Variants in ARL13B observed in about 807,000 individuals in gnomAD.
ARL13B encodes the protein ARF like GTPase 13B, also known as ADP-ribosylation factor-like protein 13B.
A neutral mutation model predicts 56.1 loss-of-function variants in ARL13B; 36 were observed. The observed-to-expected ratio is 0.64, with a 90% CI of 0.49 to 0.85. The LOEUF (loss-of-function observed/expected upper bound fraction) is 0.85. Among genes scored for constraint, ARL13B ranks in the 40% least tolerant of loss-of-function variants. The pLI, the probability that ARL13B is intolerant of heterozygous loss-of-function variation, is 0.00. For synonymous variants in ARL13B, 178 were observed against 171.1 expected (o/e 1.04, Z -0.32); for missense variants, 519 against 507.1 (o/e 1.02, Z -0.23).
intron 1 of ARL13B, among the ~76,000 whole-genome samples, chr3:93,983,931 A>C (rs1710332852): frequency 1.3e-5 from 2 of 152,232 alleles, no homozygotes. Context: ...ACTTCCAAAA[A>C]ACTTAATTAC....
chr3:94,041,253 A>T (rs1039491090), intron 6 of ARL13B, among the ~76,000 whole-genome samples: 9 of 152,190 alleles, frequency 5.9e-5, no homozygotes, highest in African/African-American at 2.2e-4. Flanking sequence ...CAATGGAACG[A>T]ATATTAATAA....
At chr3:94,040,546 G>T (rs1478965554) in intron 6 of ARL13B, among the ~76,000 whole-genome samples, 1 of 152,092 alleles carries the variant, frequency 6.6e-6, no homozygotes, top group Non-Finnish European at 1.5e-5. Context: ...TTGTGTGTGT[G>T]CGCGTCTGTG....
chr3:94,013,056 C>G (rs1262015871), intron 3 of ARL13B, among the ~76,000 whole-genome samples: 1 of 152,160 alleles, frequency 6.6e-6, no homozygotes, highest in Non-Finnish European at 1.5e-5. Flanking sequence ...TCTCACTGCT[C>G]TTTTCTGACT....
chr3:94,014,786 A>G lies in ARL13B; in HGVS notation c.380+10878A>G, dbSNP rs1171772397. ...AGCTGACGTAAAATAAATGTCTTGC[A>G]CTTCTCTTGCTTTGCTGCTATTGTG... On this transcript the variant is annotated intron_variant, in intron 3 of 9. Coordinates refer to ENST00000394222, the MANE Select transcript of ARL13B (RefSeq NM_001174150.2). 6.2e-6 allele frequency: 10 copies of G among 1,613,862 alleles called. No homozygotes were observed. In the African/African-American group the frequency reaches 1.1e-4, roughly 17 times the overall value.
chr3:94,034,301 G>C (rs1046073593), intron 3 of ARL13B, among the ~76,000 whole-genome samples: 1 of 151,860 alleles, frequency 6.6e-6, no homozygotes, highest in African/African-American at 2.4e-5. Context: ...AGGTGGGAAG[G>C]GTTCGTTAGA....
At chr3:94,011,355 C>G (rs555794074) in intron 3 of ARL13B, among the ~76,000 whole-genome samples, 1 of 152,242 alleles carries the variant, frequency 6.6e-6, no homozygotes, top group Non-Finnish European at 1.5e-5. Flanking sequence ...GTTATCATAA[C>G]TGCCTGGTTA....
chr3:93,980,194 T>A lies in ARL13B; in HGVS notation c.-230T>A, dbSNP rs1471767604. ...GGGTCCCGCTAACTCGGCTACGGTG[T>A]ATCTGCGTCTTTGGTCAGGTTGTTC... On this transcript the variant is annotated 5_prime_UTR_variant, in exon 1 of 10. Coordinates refer to ENST00000394222, the MANE Select transcript of ARL13B (RefSeq NM_001174150.2). 2 of 694,682 alleles carry A rather than the reference T, an allele frequency of 2.9e-6. No homozygotes were observed. Among genetic ancestry groups the A allele is most frequent in the Non-Finnish European group, 2.6e-6 (1 of 382,784 alleles). The allele number at this position is 694,682 out of a possible 1,614,324, so 43.0% of individuals were successfully genotyped here.
chr3:93,997,511 A>G (rs1287349790), intron 2 of ARL13B, among the ~76,000 whole-genome samples: 2 of 152,228 alleles, frequency 1.3e-5, no homozygotes, highest in Non-Finnish European at 2.9e-5. Context: ...TCTAAAGCCT[A>G]TGTCTATGCT....
chr3:94,039,499 C>CAAAAAAA (rs11437061), intron 5 of ARL13B, among the ~76,000 whole-genome samples: 7 of 65,222 alleles, frequency 1.1e-4, no homozygotes, highest in East Asian at 4.6e-4. Flanking sequence ...GACTCCGACT[C>CAAAAAAA]AAAAAAAAAA....
intron 3 of ARL13B, among the ~76,000 whole-genome samples, chr3:94,018,990 T>A (rs2076392217): frequency 6.6e-6 from 1 of 152,146 alleles, no homozygotes; most frequent in African/African-American, 2.4e-5. Flanking sequence ...GGTCGCAAAC[T>A]CCTGATCTCA....
At chr3:94,037,863 C>T (rs116398617) in intron 5 of ARL13B, among the ~76,000 whole-genome samples, 1,670 of 152,112 alleles carry the variant, frequency 0.011, 38 homozygotes, top group African/African-American at 0.037. Context: ...TAATGATATT[C>T]TAGATCATGT....
At chr3:94,002,549 A>C (rs1445875027) in intron 2 of ARL13B, among the ~76,000 whole-genome samples, 1 of 152,212 alleles carries the variant, frequency 6.6e-6, no homozygotes, top group African/African-American at 2.4e-5. Flanking sequence ...AGTGATGAAG[A>C]AAAAATAGAA....
At chr3:94,014,777 A>T in intron 3 of ARL13B, 1 of 1,613,856 alleles carries the variant, frequency 6.2e-7, no homozygotes. Flanking sequence ...CGTAAAATAA[A>T]TGTCTTGCAC....
chr3:94,042,248 C>T (rs1213074304), intron 6 of ARL13B, among the ~76,000 whole-genome samples: 1 of 151,954 alleles, frequency 6.6e-6, no homozygotes, highest in Non-Finnish European at 1.5e-5. Flanking sequence ...AACCCTTTGC[C>T]TGAGGTTCAT....
intron 2 of ARL13B, among the ~76,000 whole-genome samples, chr3:94,000,850 C>A (rs930474693): frequency 2.0e-5 from 3 of 152,184 alleles, no homozygotes; most frequent in East Asian, 3.9e-4. Context: ...CAATTGGAGA[C>A]CATGTATCTT....
intron 4 of ARL13B, 80 bp from the exon 5 acceptor site, chr3:94,036,472 C>G: frequency 7.0e-7 from 1 of 1,438,214 alleles, no homozygotes; most frequent in Non-Finnish European, 9.7e-7. Flanking sequence ...TTTGATTTGC[C>G]ATTAATTATA....
intron 1 of ARL13B, among the ~76,000 whole-genome samples, chr3:93,985,626 T>C (rs563750909): frequency 7.5e-4 from 114 of 152,290 alleles, no homozygotes; most frequent in African/African-American, 2.7e-3. Context: ...AAGAAAGATA[T>C]AATAAGTACC....
rs869211830 is a variant in ARL13B at position 94,029,349 on chromosome 3, AT to A, written c.381-5967del. Among the ~76,000 whole-genome samples, 640 of 88,062 alleles carry A rather than the reference AT, an allele frequency of 7.3e-3. 23 individuals carry two copies. The highest frequency in any genetic ancestry group is 0.019 in the African/African-American group (455 of 23,782). The allele number at this position is 88,062 out of a possible 152,430, so 57.8% of individuals were successfully genotyped here. On this transcript the variant is annotated intron_variant, in intron 3 of 9. Transcript: ENST00000394222. ...ATATATATATATTTATTTTTTTTTT[AT>A]TTTTTTTTTTTTTTGAGAAGGAGTC...
intron 5 of ARL13B, among the ~76,000 whole-genome samples, chr3:94,038,825 G>A (rs769472484): frequency 6.6e-6 from 1 of 151,928 alleles, no homozygotes; most frequent in East Asian, 1.9e-4. Flanking sequence ...CCGGCCGGCT[G>A]CTCATCTTAA....
Sources: allele counts gnomAD v4.1 joint callset (sites outside exome capture counted in the v4.1 genomes callset), GRCh38; gene constraint gnomAD v4.1.1; transcripts MANE v1.5; gene names NCBI Gene and HGNC (gene_info 2026-07-23, HGNC 2026-07-21).